The following FGF13 variants were observed in gnomAD, a reference collection of about 807,000 sequenced individuals.
FGF13 encodes the protein fibroblast growth factor homologous factor 2.
In FGF13, 2 loss-of-function variants were observed where a neutral mutation model predicts 19.5. The ratio of observed to expected loss-of-function variants is 0.10; its 90% CI spans 0.04 to 0.32. The LOEUF (loss-of-function observed/expected upper bound fraction) is 0.32. FGF13 is among the 10% of genes least tolerant of loss of function. The probability of loss-of-function intolerance (pLI) is 1.00; values close to 1 mark genes in which losing one functional copy is unlikely to be tolerated. For synonymous variants in FGF13, 72 were observed against 76.9 expected (o/e 0.94, Z 0.33); for missense variants, 113 against 192.7 (o/e 0.59, Z 2.45).
intron 1 of FGF13, among the ~76,000 whole-genome samples, chrX:139,030,903 C>A (rs2092224206): frequency 8.9e-6 from 1 of 112,105 alleles, no homozygotes; most frequent in Admixed American, 9.5e-5. Context: ...GGGCTTGAAT[C>A]CAGGGAAGCA....
At chrX:138,881,201 G>C (rs1249241675) in intron 1 of FGF13, among the ~76,000 whole-genome samples, 3 of 111,509 alleles carry the variant, frequency 2.7e-5, no homozygotes, top group Non-Finnish European at 5.7e-5. Flanking sequence ...AAATGGAACT[G>C]TTGTCTTAAT....
At chrX:138,778,121 C>T (rs2090603686) in intron 3 of FGF13, among the ~76,000 whole-genome samples, 1 of 110,786 alleles carries the variant, frequency 9.0e-6, no homozygotes, top group African/African-American at 3.3e-5. Context: ...CAGGTGATTT[C>T]TGCATTTCCA....
chrX:138,959,000 G>T (rs965070517), intron 1 of FGF13, among the ~76,000 whole-genome samples: 1 of 111,641 alleles, frequency 9.0e-6, no homozygotes, highest in Admixed American at 9.5e-5. Flanking sequence ...TTTTTGAAAG[G>T]ATTTTTGTGT....
chrX:138,944,708 T>C (rs1190827212), intron 1 of FGF13, among the ~76,000 whole-genome samples: 7 of 111,008 alleles, frequency 6.3e-5, no homozygotes, highest in Non-Finnish European at 1.1e-4. Flanking sequence ...GAGCAGCCAA[T>C]AGATCATAGG....
intron 3 of FGF13, among the ~76,000 whole-genome samples, chrX:138,779,006 C>G (rs752930490): frequency 8.9e-6 from 1 of 112,442 alleles, no homozygotes; most frequent in African/African-American, 3.2e-5. Flanking sequence ...GGGTCCCTGA[C>G]TCCTGACCCC....
At chrX:139,167,910 T>C (rs2084099586) in intron 1 of FGF13, among the ~76,000 whole-genome samples, 1 of 112,197 alleles carries the variant, frequency 8.9e-6, no homozygotes, top group Admixed American at 9.5e-5. Context: ...AATGCAACTT[T>C]ACCAGAATAT....
intron 3 of FGF13, among the ~76,000 whole-genome samples, chrX:138,696,817 C>T (rs1453158248): frequency 8.9e-6 from 1 of 111,982 alleles, no homozygotes; most frequent in African/African-American, 3.2e-5. Flanking sequence ...GCTGCCATCT[C>T]GGGCTTTTCC....
At chrX:139,110,791 C>T (rs1329781741) in intron 1 of FGF13, among the ~76,000 whole-genome samples, 1 of 111,918 alleles carries the variant, frequency 8.9e-6, no homozygotes, top group Non-Finnish European at 1.9e-5. Flanking sequence ...CATCCAGTGA[C>T]TTATTTTTGA....
intron 3 of FGF13, among the ~76,000 whole-genome samples, chrX:138,808,742 A>AT (rs1336907498): frequency 9.0e-6 from 1 of 111,729 alleles, no homozygotes; most frequent in African/African-American, 3.3e-5. Context: ...AATAGATGCA[A>AT]TAAAAAATGA....
chrX:138,984,937 A>G, intron 1 of FGF13: 2 of 297,120 alleles, frequency 6.7e-6, no homozygotes, highest in South Asian at 6.5e-5. Context: ...AGTCACAAAA[A>G]TTACCTACAG....
upstream of FGF13, among the ~76,000 whole-genome samples, chrX:138,714,995 G>T (rs1236150704): frequency 9.0e-6 from 1 of 111,332 alleles, no homozygotes; most frequent in Non-Finnish European, 1.9e-5. Flanking sequence ...TCACATTGTG[G>T]CCTTGCTATG....
intron 1 of FGF13, among the ~76,000 whole-genome samples, chrX:138,933,709 C>T (rs1226942411): frequency 9.0e-6 from 1 of 111,536 alleles, no homozygotes; most frequent in Admixed American, 9.5e-5. Flanking sequence ...TGCTTCAGGC[C>T]CAGCTTTCTC....
Position 138,632,330 on chromosome X carries a change from A to C in FGF13, c.*520T>G, listed in dbSNP as rs2089126491. On this transcript the variant is annotated 3_prime_UTR_variant, in exon 5 of 5. Coordinates refer to ENST00000315930, the MANE Select transcript of FGF13 (RefSeq NM_004114.5). The stretch of plus-strand genomic sequence containing the variant: ...AGAACCATTGAATTTCAGAAATCAT[A>C]AAGTTGCACTATGCCAAAGAAAAGA... 8.9e-6 allele frequency: 1 copy of C among 112,580 alleles called. No individual in the cohort carries two copies. The highest frequency in any genetic ancestry group is 1.9e-5 in the Non-Finnish European group (1 of 53,284). 9.3% of individuals were successfully genotyped at this position (112,580 alleles called of 1,213,427 possible). A position where few individuals can be genotyped will look rare whatever the true frequency, so the allele number is the denominator to read the frequency against.
upstream of FGF13, among the ~76,000 whole-genome samples, chrX:138,713,592 G>A (rs970004848): frequency 8.0e-5 from 9 of 111,870 alleles, no homozygotes; most frequent in Admixed American, 2.8e-4. Flanking sequence ...TCTGATTCAG[G>A]AAGGGGATAG....
intron 1 of FGF13, among the ~76,000 whole-genome samples, chrX:139,131,384 TGTGTGTGTGTG>T (rs2083759993): frequency 6.0e-3 from 18 of 3,003 alleles, no homozygotes; most frequent in African/African-American, 0.015. Flanking sequence ...TATAGAGGGG[TGTGTGTGTGTG>T]TGTGTGTGTG....
chrX:139,187,404 T>C (rs766676477), intron 1 of FGF13, among the ~76,000 whole-genome samples: 1 of 112,727 alleles, frequency 8.9e-6, no homozygotes, highest in South Asian at 3.6e-4. Context: ...TACTTTCATA[T>C]GAATAAAGTT....
intron 1 of FGF13, among the ~76,000 whole-genome samples, chrX:138,947,459 G>A (rs927072648): frequency 7.3e-5 from 8 of 110,144 alleles, no homozygotes; most frequent in African/African-American, 2.7e-4. Context: ...ATGAAAATGG[G>A]GGTGTAAATA....
At chrX:138,789,895 A>ACT (rs1187866660) in intron 3 of FGF13, among the ~76,000 whole-genome samples, 24 of 106,008 alleles carry the variant, frequency 2.3e-4, no homozygotes, top group Non-Finnish European at 4.3e-4. Context: ...AATACAAAAA[A>ACT]TTAGCCGGGC....
chrX:139,187,596 A>G (rs1284121389), intron 1 of FGF13, among the ~76,000 whole-genome samples: 1 of 111,976 alleles, frequency 8.9e-6, no homozygotes, highest in East Asian at 2.8e-4. Context: ...CTTAGCAGAA[A>G]AAAAATAAGT....
Sources: gnomAD v4.1 joint callset for allele counts (sites outside exome capture counted in the v4.1 genomes callset) on GRCh38, gnomAD v4.1.1 for gene constraint, MANE v1.5 for transcripts, NCBI Gene and HGNC (gene_info 2026-07-23, HGNC 2026-07-21) for gene names.